Variants in COPRS observed in about 807,000 individuals in gnomAD.
COPRS encodes coordinator of PRMT5 and differentiation stimulator.
In COPRS, 11 loss-of-function variants were observed where a neutral mutation model predicts 19.9. The ratio of observed to expected loss-of-function variants is 0.55; its 90% CI spans 0.35 to 0.92. The LOEUF is 0.92. Ranked by LOEUF, COPRS falls within the 40% of genes least tolerant of loss-of-function variation. The pLI, the probability that COPRS is intolerant of heterozygous loss-of-function variation, is 0.01. For missense variants in COPRS, 225 were observed against 229.9 expected (o/e 0.98, Z 0.14); for synonymous variants, 81 against 82.7 (o/e 0.98, Z 0.11).
At chr17:31,857,986 G>A (rs1053846827) in intron 1 of COPRS, among the ~76,000 whole-genome samples, 2 of 152,056 alleles carry the variant, frequency 1.3e-5, no homozygotes, top group Non-Finnish European at 2.9e-5. Context: ...GCCGCCCAAG[G>A]AGAAGTCAGA....
Position 31,859,171 on chromosome 17 carries a change from G to A in COPRS, c.29C>T (p.Ala10Val). Reference protein sequence around the residue: MDLQAAGAQAQGAAEPSRGP... With the variant: MDLQAAGAQVQGAAEPSRGP... ...CCGAGACGGCTCCGCGGCCCCCTGC[G>A]CCTGGGCCCCGGCGGCCTGAAGGTC... Residue 10 changes from alanine (A) to valine (V), a missense_variant, in exon 1 of 4, where the codon GCG becomes GTG. By Grantham distance (64) the Ala-to-Val change is moderately conservative. Transcript: ENST00000302362. The A allele has an allele frequency of 2.8e-6, 3 of 1,064,594 alleles. No homozygotes were observed. The African/African-American group carries it at 5.1e-5, about 18-fold the overall frequency. The allele number at this position is 1,064,594 out of a possible 1,614,324, so 65.9% of individuals were successfully genotyped here. A position where few individuals can be genotyped will look rare whatever the true frequency, so the allele number is the denominator to read the frequency against.
chr17:31,853,099 T>C, intron 2 of COPRS, 69 bp from the exon 3 acceptor site: 1 of 1,174,000 alleles, frequency 8.5e-7, no homozygotes. Flanking sequence ...TCAGTAAATT[T>C]TGGGCAGACT....
chr17:31,858,114 G>C (rs1322637492), intron 1 of COPRS, among the ~76,000 whole-genome samples: 1 of 152,112 alleles, frequency 6.6e-6, no homozygotes, highest in Non-Finnish European at 1.5e-5. Context: ...TCCACTGAGA[G>C]AGCACAAAAT....
chr17:31,858,613 G>T, intron 1 of COPRS: 1 of 1,020,310 alleles, frequency 9.8e-7, no homozygotes, highest in Non-Finnish European at 1.5e-6. Context: ...TGGAAACCCT[G>T]CGTCAAACAG....
At chr17:31,854,907 T>C (rs1909286162) in intron 2 of COPRS, among the ~76,000 whole-genome samples, 1 of 152,224 alleles carries the variant, frequency 6.6e-6, no homozygotes, top group Non-Finnish European at 1.5e-5. Flanking sequence ...GTGGTGATGG[T>C]TGCACAACAC....
At chr17:31,856,936 T>G (rs1215150847) in intron 1 of COPRS, 71 bp from the exon 2 acceptor site, 4 of 912,622 alleles carry the variant, frequency 4.4e-6, no homozygotes, top group Non-Finnish European at 7.2e-6. Context: ...CTATTGCATC[T>G]CAACCCCACC....
chr17:31,858,974 TC>T, intron 1 of COPRS, 126 bp downstream of exon 1: 1 of 1,363,252 alleles, frequency 7.3e-7, no homozygotes, highest in Non-Finnish European at 9.4e-7. Context: ...GCGCTCCGTG[TC>T]GCGGGGCGGC....
intron 2 of COPRS, among the ~76,000 whole-genome samples, chr17:31,855,610 C>T (rs1386760142): frequency 5.3e-5 from 8 of 151,558 alleles, no homozygotes; most frequent in African/African-American, 9.7e-5. Context: ...CACTTGAACC[C>T]GGGAGACAGA....
At chr17:31,858,765 T>A in intron 1 of COPRS, 1 of 1,550,348 alleles carries the variant, frequency 6.5e-7, no homozygotes, top group Middle Eastern at 1.7e-4. Context: ...CACCTGGCCC[T>A]CGCCCAGGCT....
rs1302675268 is a variant in COPRS at position 31,851,989 on chromosome 17, T to C, written c.*150A>G. The C allele has an allele frequency of 3.8e-6, 3 of 798,104 alleles. No homozygotes were observed. Among genetic ancestry groups the C allele is most frequent in the African/African-American group, 3.5e-5 (2 of 57,244 alleles). 49.4% of individuals were successfully genotyped at this position (798,104 alleles called of 1,614,324 possible). Reference sequence around the variant, plus strand: ...GACTGGCGAGAATGACGGGGCCTTATTGAACACTGTCAATAAGGAACACTG... The same window carrying C: ...GACTGGCGAGAATGACGGGGCCTTACTGAACACTGTCAATAAGGAACACTG... On this transcript the variant is annotated 3_prime_UTR_variant, in exon 4 of 4. Transcript: ENST00000302362.
intron 2 of COPRS, among the ~76,000 whole-genome samples, chr17:31,856,144 G>T (rs1446211259): frequency 6.6e-6 from 1 of 152,048 alleles, no homozygotes; most frequent in Non-Finnish European, 1.5e-5. Context: ...AGACCAGCCT[G>T]GCCAACATAG....
rs1044087 is a variant in COPRS, at chr17:31,852,029, G to C, written c.*110C>G. ...AAGGAACACTGGTCTGTGTACCCCA[G>C]ACTAGGGGTCACTGCAAACATTTTC... On this transcript the variant is annotated 3_prime_UTR_variant, in exon 4 of 4. Coordinates refer to ENST00000302362, the MANE Select transcript of COPRS (RefSeq NM_018405.4). The C allele has an allele frequency of 7.9e-7, 1 of 1,271,174 alleles. No homozygotes were observed. The highest frequency in any genetic ancestry group is 2.4e-5 in the East Asian group (1 of 42,300). 78.7% of individuals were successfully genotyped at this position (1,271,174 alleles called of 1,614,324 possible).
chr17:31,857,674 C>G (rs1363460987), intron 1 of COPRS, among the ~76,000 whole-genome samples: 2 of 152,262 alleles, frequency 1.3e-5, no homozygotes, highest in Admixed American at 1.3e-4. Context: ...ATTTTGATCC[C>G]AGCTCTGCCA....
rs1448526983 is a variant in COPRS, at chr17:31,852,995, C to T, written c.202G>A (p.Ala68Thr). ...TCAGAATGGGTGCCCTCACCCCGGG[C>T]AGGACTGTCATTAGGAATGCTCTGT... ...GTQSIPNDSP[A>T]RGEGTHSEEE... is the part of the protein sequence containing the mutation. Residue 68 changes from alanine to threonine, a missense_variant, in exon 3 of 4, where the codon GCC becomes ACC. By Grantham distance (58) the Ala-to-Thr change is moderately conservative. Transcript: ENST00000302362. 4 of 1,613,906 alleles carry T rather than the reference C, an allele frequency of 2.5e-6. No homozygotes were observed. The highest frequency in any genetic ancestry group is 3.4e-6 in the Non-Finnish European group (4 of 1,179,924).
intron 1 of COPRS, chr17:31,858,679 C>T: frequency 7.1e-7 from 1 of 1,408,090 alleles, no homozygotes; most frequent in Non-Finnish European, 9.8e-7. Context: ...ATCTGGGGCT[C>T]AGGGTTAGCT....
chr17:31,853,085 G>T, intron 2 of COPRS, 55 bp from the exon 3 acceptor site: 2 of 1,360,298 alleles, frequency 1.5e-6, no homozygotes, highest in Non-Finnish European at 2.1e-6. Flanking sequence ...GACCTGCTCT[G>T]TGCTCAGTAA....
chr17:31,856,925 G>A (rs1909375572), intron 1 of COPRS, 60 bp from the exon 2 acceptor site: 1 of 1,043,806 alleles, frequency 9.6e-7, no homozygotes, highest in Non-Finnish European at 1.5e-6. Flanking sequence ...CCAGTATTCA[G>A]CTATTGCATC....
At chr17:31,858,691 G>A in intron 1 of COPRS, 2 of 1,458,256 alleles carry the variant, frequency 1.4e-6, no homozygotes, top group Non-Finnish European at 1.9e-6. Context: ...GGGTTAGCTG[G>A]CATCCCCACC....
intron 2 of COPRS, among the ~76,000 whole-genome samples, chr17:31,854,517 C>T (rs1909268256): frequency 6.6e-6 from 1 of 152,092 alleles, no homozygotes; most frequent in Non-Finnish European, 1.5e-5. Flanking sequence ...CAAGGATACT[C>T]ACAGCAGCAC....
Sources: gnomAD v4.1 joint callset for allele counts (sites outside exome capture counted in the v4.1 genomes callset) on GRCh38, gnomAD v4.1.1 for gene constraint, MANE v1.5 for transcripts, NCBI Gene and HGNC (gene_info 2026-07-23, HGNC 2026-07-21) for gene names.